Variants in RAB27B observed in about 807,000 individuals in gnomAD.
The protein encoded by RAB27B is RAB27B, member RAS oncogene family.
RAB27B carries 15 observed loss-of-function variants against 24.6 expected under a neutral mutation model. The ratio of observed to expected loss-of-function variants is 0.61; its 90% CI spans 0.41 to 0.94. The LOEUF is 0.94. Ranked by LOEUF, RAB27B falls within the 40% of genes least tolerant of loss-of-function variation. The pLI is 0.00. For synonymous variants in RAB27B, 105 were observed against 92.5 expected (o/e 1.14, Z -0.78); for missense variants, 261 against 266.8 (o/e 0.98, Z 0.15).
chr18:54,738,454 T>C (rs751072573), intron 2 of RAB27B, among the ~76,000 whole-genome samples: 1 of 152,114 alleles, frequency 6.6e-6, no homozygotes, highest in African/African-American at 2.4e-5. Context: ...GTTTTTTAAG[T>C]GGCGGTTTCC....
chr18:54,725,385 G>A (rs963130458), intron 2 of RAB27B, among the ~76,000 whole-genome samples: 1 of 151,364 alleles, frequency 6.6e-6, no homozygotes, highest in African/African-American at 2.4e-5. Flanking sequence ...AACAGTGACT[G>A]AACTACGTGA....
chr18:54,791,707 A>G lies in RAB27B; in HGVS notation c.-20+73566A>G, dbSNP rs567699417. 2.0e-5 allele frequency among the ~76,000 whole-genome samples: 3 copies of G among 152,286 alleles called. No homozygotes were observed. The East Asian group carries it at 5.8e-4, about 29-fold the overall frequency. On this transcript the variant is annotated intron_variant, in intron 2 of 4. Coordinates refer to the RAB27B transcript ENST00000586570. ...GCCTGCCCATCCTGGGCCTATAAAA[A>G]CCGGAGACCCTAGCAGGCCGACTCA...
At chr18:54,821,620 C>A (rs1910313172) in intron 2 of RAB27B, among the ~76,000 whole-genome samples, 1 of 152,194 alleles carries the variant, frequency 6.6e-6, no homozygotes, top group Non-Finnish European at 1.5e-5. Context: ...GCCAAAAGAA[C>A]AAAGCTGGAG....
rs1057275682 is a variant in RAB27B at position 54,758,631 on chromosome 18, C to T, written c.-20+40490C>T. ...TCTCCAGCTTGCAAGCGACCAAAAA[C>T]AATTAAAAAAAAAAAAAAAGGAACA... is the stretch of plus-strand genomic sequence containing the variant. On this transcript the variant is annotated intron_variant, in intron 2 of 4. Coordinates refer to the RAB27B transcript ENST00000586570. Among the ~76,000 whole-genome samples the T allele has an allele frequency of 4.5e-4, 23 of 50,810 alleles. 1 individual carries two copies. In the Admixed American group the frequency reaches 5.6e-3, roughly 12 times the overall value. The allele number at this position is 50,810 out of a possible 152,430, so 33.3% of individuals were successfully genotyped here.
chr18:54,878,455 C>T (rs1292228680), intron 2 of RAB27B, among the ~76,000 whole-genome samples: 2 of 152,110 alleles, frequency 1.3e-5, no homozygotes, highest in African/African-American at 2.4e-5. Flanking sequence ...TCTACTCATT[C>T]CCTGAGAATT....
At chr18:54,816,243 C>A (rs1598926166) in intron 2 of RAB27B, among the ~76,000 whole-genome samples, 1 of 152,252 alleles carries the variant, frequency 6.6e-6, no homozygotes, top group East Asian at 1.9e-4. Flanking sequence ...CCCCACTGAC[C>A]AAATTGAGGG....
At chr18:54,774,659 C>T (rs1908659545) in intron 2 of RAB27B, among the ~76,000 whole-genome samples, 2 of 152,228 alleles carry the variant, frequency 1.3e-5, no homozygotes, top group Non-Finnish European at 2.9e-5. Flanking sequence ...TTTTAATTCC[C>T]TTTACAATCC....
intron 2 of RAB27B, among the ~76,000 whole-genome samples, chr18:54,748,320 T>C (rs1018647330): frequency 6.6e-6 from 1 of 152,168 alleles, no homozygotes. Flanking sequence ...TTTGATGATA[T>C]AGATTCTCCC....
At chr18:54,869,796 A>G (rs941512547) in intron 1 of RAB27B, among the ~76,000 whole-genome samples, 5 of 152,236 alleles carry the variant, frequency 3.3e-5, no homozygotes, top group Admixed American at 2.6e-4. Context: ...GGAAATAAGT[A>G]TCAAAACAGA....
chr18:54,735,721 C>T (rs946014341), intron 2 of RAB27B, among the ~76,000 whole-genome samples: 1 of 152,058 alleles, frequency 6.6e-6, no homozygotes, highest in African/African-American at 2.4e-5. Flanking sequence ...AGGGTTTCGC[C>T]ATGTTGGCCA....
chr18:54,856,736 G>C (rs561889953), intron 1 of RAB27B, among the ~76,000 whole-genome samples: 104 of 152,320 alleles, frequency 6.8e-4, no homozygotes, highest in Admixed American at 1.7e-3. Flanking sequence ...GAGCCTTTTA[G>C]GATGTTTCAT....
rs59835801 is a variant in RAB27B, at chr18:54,862,928, T to C, written c.-19-14639T>C. Among the ~76,000 whole-genome samples, 13 of 152,376 alleles carry C rather than the reference T, an allele frequency of 8.5e-5. No homozygotes were observed. In the South Asian group the frequency reaches 2.3e-3, roughly 27 times the overall value. On this transcript the variant is annotated intron_variant, in intron 1 of 5. Transcript: ENST00000262094. ...TACTTTATTTGTGAGAAATTATTTC[T>C]GAGAATTATTTTTTAGTCAAGATTG...
intron 1 of RAB27B, among the ~76,000 whole-genome samples, chr18:54,871,331 C>A (rs571253125): frequency 6.6e-6 from 1 of 152,252 alleles, no homozygotes; most frequent in Admixed American, 6.5e-5. Context: ...AATGTGGTTA[C>A]GGGAACGAAT....
rs535150205 is a variant in RAB27B at position 54,895,513 on chromosome 18, A to G, written c.*6100A>G. ...TCAAATAAAAAATGAATTTTTATCA[A>G]TTATTTTCTGTACTCAAAGCAACTT... On this transcript the variant is annotated 3_prime_UTR_variant, in exon 6 of 6. Transcript: ENST00000262094. The G allele has an allele frequency of 3.3e-5, 5 of 152,214 alleles. No homozygotes were observed. The South Asian group carries it at 8.3e-4, about 25-fold the overall frequency. 9.4% of individuals were successfully genotyped at this position (152,214 alleles called of 1,614,324 possible). A position where few individuals can be genotyped will look rare whatever the true frequency, so the allele number is the denominator to read the frequency against.
At chr18:54,887,879 C>A in intron 4 of RAB27B, 116 bp from the exon 5 acceptor site, 3 of 1,271,952 alleles carry the variant, frequency 2.4e-6, no homozygotes, top group Non-Finnish European at 3.3e-6. Context: ...GCCAATATAA[C>A]TAGTAAGCAA....
chr18:54,728,515 C>A (rs1343564349), intron 2 of RAB27B, among the ~76,000 whole-genome samples: 1 of 152,120 alleles, frequency 6.6e-6, no homozygotes, highest in East Asian at 1.9e-4. Flanking sequence ...TAAACAAATT[C>A]ATCACTAGTA....
intron 1 of RAB27B, among the ~76,000 whole-genome samples, chr18:54,876,855 C>A (rs1311175582): frequency 6.6e-6 from 1 of 152,034 alleles, no homozygotes; most frequent in Admixed American, 6.6e-5. Context: ...GTTTTCTGTT[C>A]CCTGTGACTC....
rs371821908 is a variant in RAB27B at position 54,724,177 on chromosome 18, T to G, written c.-20+6036T>G. Among the ~76,000 whole-genome samples, 158 of 151,732 alleles carry G rather than the reference T, an allele frequency of 1.0e-3. 6 individuals are homozygous for G. In the South Asian group the frequency reaches 0.028, roughly 27 times the overall value. ...CTGGCTGAGTCTCACAAAATATTAA[T>G]GAAGCAGGAAAAATTTTAAAAATTT... On this transcript the variant is annotated intron_variant, in intron 2 of 4. Coordinates refer to the RAB27B transcript ENST00000586570.
At chr18:54,880,961 T>C (rs1044149182) in intron 3 of RAB27B, among the ~76,000 whole-genome samples, 1 of 152,136 alleles carries the variant, frequency 6.6e-6, no homozygotes, top group Non-Finnish European at 1.5e-5. Flanking sequence ...CCTAAGGACA[T>C]CTGGCTGTGC....
Sources: gnomAD v4.1 joint callset for allele counts (sites outside exome capture counted in the v4.1 genomes callset) on GRCh38, gnomAD v4.1.1 for gene constraint, MANE v1.5 for transcripts, NCBI Gene and HGNC (gene_info 2026-07-23, HGNC 2026-07-21) for gene names.